SYT16: variants seen among roughly 807,000 people sequenced by gnomAD.
SYT16 encodes synaptotagmin 16, also known as synaptotagmin-16.
A neutral mutation model predicts 61.4 loss-of-function variants in SYT16; 42 were observed. The ratio of observed to expected loss-of-function variants is 0.68; its 90% CI spans 0.53 to 0.89. SYT16 has a LOEUF of 0.89. Ranked by LOEUF, SYT16 falls within the 40% of genes least tolerant of loss-of-function variation. The probability of loss-of-function intolerance (pLI) is 0.00; values close to 1 mark genes in which losing one functional copy is unlikely to be tolerated. For synonymous variants in SYT16, 314 were observed against 302.3 expected (o/e 1.04, Z -0.40); for missense variants, 804 against 807.3 (o/e 1.00, Z 0.05).
intron 1 of SYT16, among the ~76,000 whole-genome samples, chr14:61,914,052 C>T (rs1045740389): frequency 2.6e-5 from 4 of 152,118 alleles, no homozygotes; most frequent in African/African-American, 4.8e-5. Flanking sequence ...CCTATTTTTC[C>T]TATTCTGTGA....
At position 62,045,162 on chromosome 14, in the gene SYT16, A is replaced by AAATT. The variant is rs1260122166; in HGVS notation, c.524-24439_524-24438insTTAA. On this transcript the variant is annotated intron_variant, in intron 3 of 7. Coordinates refer to ENST00000683842, the MANE Select transcript of SYT16 (RefSeq NM_001367656.1). ...AAAATAAATAAATAAATAAATAAAT[A>AAATT]AAATAAATTTTGTTTGCTGCTATGT... Among the ~76,000 whole-genome samples, 50 of 151,868 alleles carry AAATT rather than the reference A, an allele frequency of 3.3e-4. 6 individuals carry two copies. Among genetic ancestry groups the AAATT allele is most frequent in the African/African-American group, 9.9e-4 (41 of 41,432 alleles).
At chr14:62,084,442 T>C in intron 7 of SYT16, 57 bp downstream of exon 7, 1 of 1,536,908 alleles carries the variant, frequency 6.5e-7, no homozygotes, top group Non-Finnish European at 8.7e-7. Context: ...TGGAAAGCCC[T>C]GTCTGCTTTC....
intron 1 of SYT16, among the ~76,000 whole-genome samples, chr14:61,843,797 G>C (rs2046365758): frequency 6.6e-6 from 1 of 152,116 alleles, no homozygotes; most frequent in African/African-American, 2.4e-5. Flanking sequence ...TGGTGTTTTG[G>C]TTAGTGCAGC....
chr14:61,973,762 A>G (rs1000937916), intron 2 of SYT16, among the ~76,000 whole-genome samples: 3 of 152,154 alleles, frequency 2.0e-5, no homozygotes, highest in Non-Finnish European at 4.4e-5. Flanking sequence ...GAAAGCATAG[A>G]CAATGTGACA....
chr14:62,003,311 C>G (rs2053095074), intron 3 of SYT16, among the ~76,000 whole-genome samples: 1 of 152,010 alleles, frequency 6.6e-6, no homozygotes, highest in African/African-American at 2.4e-5. Context: ...GCCTGGTGAG[C>G]TCTGTGAAGA....
chr14:61,931,453 A>C (rs2049763054), intron 1 of SYT16, among the ~76,000 whole-genome samples: 1 of 152,204 alleles, frequency 6.6e-6, no homozygotes, highest in African/African-American at 2.4e-5. Flanking sequence ...GTCCACAACG[A>C]AGACACTCAG....
At chr14:61,948,095 A>T (rs1287195883) in intron 1 of SYT16, among the ~76,000 whole-genome samples, 1 of 152,134 alleles carries the variant, frequency 6.6e-6, no homozygotes, top group Non-Finnish European at 1.5e-5. Flanking sequence ...GAATGTTATA[A>T]TATTTTGAAC....
intron 7 of SYT16, among the ~76,000 whole-genome samples, chr14:62,086,259 A>C (rs568946102): frequency 6.6e-6 from 1 of 152,170 alleles, no homozygotes; most frequent in South Asian, 2.1e-4. Flanking sequence ...TGAATGGATC[A>C]CCTCAGGCCA....
At chr14:62,057,067 C>G (rs1364909421) in intron 3 of SYT16, among the ~76,000 whole-genome samples, 1 of 152,186 alleles carries the variant, frequency 6.6e-6, no homozygotes, top group East Asian at 1.9e-4. Flanking sequence ...GCAAAGGCCC[C>G]GTGGTCAGCC....
intron 3 of SYT16, among the ~76,000 whole-genome samples, chr14:62,031,973 C>T (rs1292644785): frequency 1.3e-5 from 2 of 152,094 alleles, no homozygotes; most frequent in African/African-American, 2.4e-5. Flanking sequence ...CTAAGAAAGG[C>T]AGCAGCACAA....
chr14:61,947,801 A>G (rs2050506831), intron 1 of SYT16, among the ~76,000 whole-genome samples: 1 of 152,230 alleles, frequency 6.6e-6, no homozygotes, highest in Admixed American at 6.5e-5. Context: ...AGGCACAAGC[A>G]TTGTGCAAAG....
intron 3 of SYT16, among the ~76,000 whole-genome samples, chr14:62,050,096 C>G (rs965646367): frequency 6.6e-5 from 10 of 152,222 alleles, no homozygotes; most frequent in African/African-American, 2.4e-4. Context: ...CTGCCCGTCA[C>G]TTTCAGGTAC....
intron 3 of SYT16, among the ~76,000 whole-genome samples, chr14:62,018,666 T>C (rs2053799671): frequency 6.6e-6 from 1 of 152,154 alleles, no homozygotes; most frequent in African/African-American, 2.4e-5. Flanking sequence ...TTCCCCTATC[T>C]GGAACACCCA....
rs1442808586 is a variant in SYT16 at position 62,100,292 on chromosome 14, G to A, written c.1625-102G>A. The A allele has an allele frequency of 2.9e-6, 3 of 1,033,170 alleles. No homozygotes were observed. The African/African-American group carries it at 4.9e-5, about 17-fold the overall frequency. 64.0% of individuals were successfully genotyped at this position (1,033,170 alleles called of 1,614,324 possible). A position where few individuals can be genotyped will look rare whatever the true frequency, so the allele number is the denominator to read the frequency against. ...AAGGATACTGATCAGTATGTTGAAAGGAGAAATTTGTAGCCCATATAAATG... is the reference window on the plus strand; with the variant it reads ...AAGGATACTGATCAGTATGTTGAAAAGAGAAATTTGTAGCCCATATAAATG... On this transcript the variant is annotated intron_variant, in intron 7 of 7. Transcript: ENST00000683842.
At chr14:62,076,926 C>T (rs1013237814) in intron 5 of SYT16, among the ~76,000 whole-genome samples, 13 of 152,166 alleles carry the variant, frequency 8.5e-5, no homozygotes, top group African/African-American at 3.1e-4. Flanking sequence ...ACTAAATGTT[C>T]TCAGACTCCA....
chr14:61,958,936 T>G lies in SYT16; in HGVS notation c.-324-11196T>G, dbSNP rs138224013. ...TTTATATTTCGGGTGTTTTCATGTT[T>G]GGAGCATATATATTTTTAGTTGTGA... On this transcript the variant is annotated intron_variant, in intron 1 of 7. Coordinates refer to ENST00000683842, the MANE Select transcript of SYT16 (RefSeq NM_001367656.1). Among the ~76,000 whole-genome samples the G allele has an allele frequency of 3.2e-3, 482 of 152,254 alleles. 3 individuals are homozygous for G. Among genetic ancestry groups the G allele is most frequent in the Non-Finnish European group, 4.8e-3 (329 of 67,960 alleles).
intron 2 of SYT16, among the ~76,000 whole-genome samples, chr14:61,988,137 C>G (rs997467585): frequency 2.0e-5 from 3 of 152,016 alleles, no homozygotes; most frequent in Non-Finnish European, 4.4e-5. Flanking sequence ...GCCCATGGCC[C>G]TGGAGCACAG....
rs757654114 is a variant in SYT16, at chr14:62,081,291, G to T, written c.1434+17G>T. 2.5e-6 allele frequency: 4 copies of T among 1,605,076 alleles called. No individual in the cohort carries two copies. The highest frequency in any genetic ancestry group is 2.2e-5 in the South Asian group (2 of 89,352). On this transcript the variant is annotated intron_variant, in intron 6 of 7. Transcript: ENST00000683842. ...AATATAAGCGTGAGTATGTTAAATG[G>T]TGCTGCTAATGATGTGGTGTGTTCG... is the stretch of plus-strand genomic sequence containing the variant.
At chr14:61,925,749 A>G (rs2049510832) in intron 1 of SYT16, among the ~76,000 whole-genome samples, 1 of 152,126 alleles carries the variant, frequency 6.6e-6, no homozygotes. Flanking sequence ...TTTCACCTAA[A>G]TTGAATAAAT....
Sources: allele counts gnomAD v4.1 joint callset (sites outside exome capture counted in the v4.1 genomes callset), GRCh38; gene constraint gnomAD v4.1.1; transcripts MANE v1.5; gene names NCBI Gene and HGNC (gene_info 2026-07-23, HGNC 2026-07-21).